The following ADAM29 variants were observed in gnomAD, a reference collection of about 807,000 sequenced individuals.
ADAM29 encodes ADAM metallopeptidase domain 29.
For missense variants in ADAM29, 969 were observed against 1,001.8 expected (o/e 0.97, Z 0.44); for synonymous variants, 367 against 342.3 (o/e 1.07, Z -0.80).
intron 2 of ADAM29, among the ~76,000 whole-genome samples, chr4:174,928,808 T>C (rs935350881): frequency 8.5e-5 from 13 of 152,178 alleles, no homozygotes; most frequent in African/African-American, 3.1e-4. Context: ...AGAGACTGGA[T>C]GAAGGCACTC....
At chr4:174,938,562 A>T (rs1436253056) in intron 4 of ADAM29, among the ~76,000 whole-genome samples, 1 of 149,370 alleles carries the variant, frequency 6.7e-6, no homozygotes, top group African/African-American at 2.6e-5. Context: ...GGTTTCATAA[A>T]ATAATGTTTT....
intron 2 of ADAM29, among the ~76,000 whole-genome samples, chr4:174,925,792 A>G (rs951584885): frequency 7.2e-5 from 11 of 152,258 alleles, no homozygotes; most frequent in African/African-American, 2.7e-4. Context: ...ATAAAATGCT[A>G]GATGAAAATT....
At chr4:174,953,114 G>A (rs766664846) in intron 4 of ADAM29, among the ~76,000 whole-genome samples, 15 of 152,106 alleles carry the variant, frequency 9.9e-5, no homozygotes, top group Admixed American at 7.9e-4. Flanking sequence ...ATGAAACCCC[G>A]TCTCTATTAA....
At chr4:174,955,032 A>C (rs1007447304) in intron 4 of ADAM29, among the ~76,000 whole-genome samples, 19 of 152,124 alleles carry the variant, frequency 1.2e-4, no homozygotes, top group African/African-American at 4.6e-4. Flanking sequence ...GAAAAAATAA[A>C]CAGCAGCAAA....
At chr4:174,919,947 T>C (rs1743075749) in intron 1 of ADAM29, among the ~76,000 whole-genome samples, 1 of 152,202 alleles carries the variant, frequency 6.6e-6, no homozygotes, top group Non-Finnish European at 1.5e-5. Context: ...CCACGTTGAC[T>C]TTCAGAAATT....
intron 4 of ADAM29, among the ~76,000 whole-genome samples, chr4:174,945,027 A>G (rs1433940090): frequency 1.3e-5 from 2 of 152,070 alleles, no homozygotes; most frequent in Admixed American, 6.6e-5. Flanking sequence ...TTATATTCCT[A>G]TGAGTATATA....
In ADAM29 at chr4:174,976,566, T is replaced by C; in HGVS notation, c.1041T>C (p.Cys347=). ...NLGMNHDEDT[C]RCSQPRCIMH... Reference sequence around the variant, plus strand: ...GCATGAACCATGATGAGGATACATGTCGTTGTTCACAACCTAGATGCATAA... The same window carrying C: ...GCATGAACCATGATGAGGATACATGCCGTTGTTCACAACCTAGATGCATAA... Residue 347 remains cysteine, a synonymous_variant, in exon 5 of 5, where the codon TGT becomes TGC. Coordinates refer to ENST00000359240, the MANE Select transcript of ADAM29 (RefSeq NM_014269.4). 6.2e-7 allele frequency: 1 copy of C among 1,601,218 alleles called. No homozygotes were observed.
intron 2 of ADAM29, among the ~76,000 whole-genome samples, chr4:174,924,918 A>G (rs145116721): frequency 2.4e-3 from 358 of 152,308 alleles, no homozygotes; most frequent in Non-Finnish European, 3.5e-3. Flanking sequence ...AAATCTACCT[A>G]AGCCCGATGA....
chr4:174,934,822 A>T (rs1390484141), intron 3 of ADAM29, among the ~76,000 whole-genome samples: 2 of 152,136 alleles, frequency 1.3e-5, no homozygotes, highest in East Asian at 3.8e-4. Flanking sequence ...TGGGACCTTC[A>T]ATTTGGCCCA....
chr4:174,939,880 A>C (rs752970843), intron 4 of ADAM29, among the ~76,000 whole-genome samples: 1 of 152,036 alleles, frequency 6.6e-6, no homozygotes, highest in Non-Finnish European at 1.5e-5. Context: ...GACTGATCAC[A>C]AGTCAGTGTT....
chr4:174,976,141 A>G lies in ADAM29; in HGVS notation c.616A>G (p.Ile206Val), dbSNP rs761150237. The G allele has an allele frequency of 1.9e-6, 3 of 1,613,536 alleles. No individual in the cohort carries two copies. Among genetic ancestry groups the G allele is most frequent in the Non-Finnish European group, 2.5e-6 (3 of 1,179,920 alleles). Residue 206 changes from isoleucine (I) to valine (V), a missense_variant, in exon 5 of 5, where the codon ATT (isoleucine) becomes GTT (valine). Transcript: ENST00000359240. Reference protein sequence around the residue: ...HFRIVEIVVVIDNYLYIRYER... With the variant: ...HFRIVEIVVVVDNYLYIRYER... Reference sequence around the variant, plus strand: ...TAGGATTGTTGAAATTGTAGTCGTCATTGATAATTATCTGTACATTCGTTA... The same window carrying G: ...TAGGATTGTTGAAATTGTAGTCGTCGTTGATAATTATCTGTACATTCGTTA...
At chr4:174,966,872 A>G (rs80173206) in intron 4 of ADAM29, among the ~76,000 whole-genome samples, 2,718 of 152,306 alleles carry the variant, frequency 0.018, 85 homozygotes, top group African/African-American at 0.063. Flanking sequence ...TCAGTCCTAA[A>G]AATAGAAATC....
rs1371352280 is a variant in ADAM29 at position 174,976,169 on chromosome 4, A to G, written c.644A>G (p.Glu215Gly). ...GATAATTATCTGTACATTCGTTATG[A>G]AAGGAACGACTCAAAGTTGCTGGAG... Reference protein sequence around the residue: ...VIDNYLYIRYERNDSKLLEDL... With the variant: ...VIDNYLYIRYGRNDSKLLEDL... Residue 215 changes from glutamate to glycine, a missense_variant, in exon 5 of 5, where the codon GAA becomes GGA. Coordinates refer to ENST00000359240, the MANE Select transcript of ADAM29 (RefSeq NM_014269.4). 6.2e-7 allele frequency: 1 copy of G among 1,611,702 alleles called. No homozygotes were observed. The highest frequency in any genetic ancestry group is 1.7e-5 in the Admixed American group (1 of 59,536).
chr4:174,962,377 T>TG lies in ADAM29; in HGVS notation c.-180-12963dup, dbSNP rs528476747. Among the ~76,000 whole-genome samples the TG allele has an allele frequency of 7.2e-3, 1,088 of 151,632 alleles. 5 individuals carry two copies. The highest frequency in any genetic ancestry group is 0.017 in the Middle Eastern group (5 of 294). On this transcript the variant is annotated intron_variant, in intron 4 of 4. Transcript: ENST00000359240. ...ATACAAAAAAATTAGCTGGGCGTGG[T>TG]GGGGGGCGCCTGTAGTCCCAGCTAC...
rs6841498 is a variant in ADAM29 at position 174,964,899 on chromosome 4, T to C, written c.-180-10447T>C. 1.9e-3 allele frequency among the ~76,000 whole-genome samples: 289 copies of C among 151,670 alleles called. 2 individuals are homozygous for C. The highest frequency in any genetic ancestry group is 6.6e-3 in the African/African-American group (273 of 41,322). On this transcript the variant is annotated intron_variant, in intron 4 of 4. Transcript: ENST00000359240. ...GTTCATAAGTGTTTGGCCAGGTGAG[T>C]AGGCAAAAAAAATAAAAAATAAAAA...
At chr4:174,923,525 G>GTATATATATATATA (rs58980378) in intron 2 of ADAM29, among the ~76,000 whole-genome samples, 2 of 96,670 alleles carry the variant, frequency 2.1e-5, no homozygotes, top group Non-Finnish European at 4.2e-5. Flanking sequence ...TGCATTATAT[G>GTATATATATATATA]TATATATATA....
At chr4:174,963,828 C>T (rs987893640) in intron 4 of ADAM29, among the ~76,000 whole-genome samples, 1 of 151,846 alleles carries the variant, frequency 6.6e-6, no homozygotes, top group Non-Finnish European at 1.5e-5. Flanking sequence ...ATTACAGGTG[C>T]CCACCACTGT....
At chr4:174,922,243 G>A (rs1036058051) in intron 2 of ADAM29, among the ~76,000 whole-genome samples, 2 of 152,128 alleles carry the variant, frequency 1.3e-5, no homozygotes, top group African/African-American at 4.8e-5. Flanking sequence ...TAAAAACTGT[G>A]TTGATGACAA....
At position 174,976,644 on chromosome 4, in the gene ADAM29, T is replaced by C. The variant is rs1158879405; in HGVS notation, c.1119T>C (p.Asp373=). The C allele has an allele frequency of 6.2e-7, 1 of 1,613,358 alleles. No homozygotes were observed. The highest frequency in any genetic ancestry group is 8.5e-7 in the Non-Finnish European group (1 of 1,179,696). ...ITKFSNCSYG[D]FWEYTVERTK... is the part of the protein sequence containing the mutation. ...AATTTAGCAATTGTAGTTATGGTGATTTTTGGGAATATACTGTAGAGAGGA... is the reference window on the plus strand; with the variant it reads ...AATTTAGCAATTGTAGTTATGGTGACTTTTGGGAATATACTGTAGAGAGGA... The change falls in exon 5 of 5, where the codon GAT becomes GAC. Residue 373 remains aspartate, a synonymous_variant. Coordinates refer to ENST00000359240, the MANE Select transcript of ADAM29 (RefSeq NM_014269.4).
Sources: gnomAD v4.1 joint callset for allele counts (sites outside exome capture counted in the v4.1 genomes callset) on GRCh38, gnomAD v4.1.1 for gene constraint, MANE v1.5 for transcripts, NCBI Gene and HGNC (gene_info 2026-07-23, HGNC 2026-07-21) for gene names.